The following DPP10 variants were observed in gnomAD, a reference collection of about 807,000 sequenced individuals.
DPP10 encodes the protein inactive dipeptidyl peptidase 10.
A neutral mutation model predicts 120.9 loss-of-function variants in DPP10; 33 were observed. The ratio of observed to expected loss-of-function variants is 0.27; its 90% CI spans 0.21 to 0.37. DPP10 has a LOEUF of 0.37. Among genes scored for constraint, DPP10 ranks in the 10% least tolerant of loss-of-function variants. The pLI is 1.00. For missense variants in DPP10, 816 were observed against 942.8 expected, an observed-to-expected ratio of 0.87 and a Z score of 1.76; for synonymous variants, 337 against 326.1, an observed-to-expected ratio of 1.03 and a Z score of -0.36.
At chr2:115,737,005 G>A (rs889615104) in intron 8 of DPP10, among the ~76,000 whole-genome samples, 10 of 152,112 alleles carry the variant, frequency 6.6e-5, no homozygotes, top group African/African-American at 2.2e-4. Context: ...AGTGGACAAC[G>A]AAGTATTCTG....
intron 7 of DPP10, among the ~76,000 whole-genome samples, chr2:115,712,568 A>T (rs1366293788): frequency 7.8e-6 from 1 of 128,288 alleles, no homozygotes; most frequent in Non-Finnish European, 1.7e-5. Context: ...ATATATATAA[A>T]GAAACTGTCT....
intron 3 of DPP10, among the ~76,000 whole-genome samples, chr2:115,485,405 C>A (rs554486209): frequency 6.6e-6 from 1 of 152,198 alleles, no homozygotes; most frequent in Non-Finnish European, 1.5e-5. Context: ...CATCCTATAA[C>A]TATTTCTTTG....
intron 1 of DPP10, among the ~76,000 whole-genome samples, chr2:114,650,328 C>A (rs1456309523): frequency 6.6e-6 from 1 of 152,128 alleles, no homozygotes; most frequent in Non-Finnish European, 1.5e-5. Context: ...TGTTTTGATG[C>A]CTGAAGCATC....
At chr2:115,165,914 C>T (rs1428151713) in intron 1 of DPP10, among the ~76,000 whole-genome samples, 4 of 152,136 alleles carry the variant, frequency 2.6e-5, no homozygotes, top group African/African-American at 4.8e-5. Context: ...ACTTGTTATG[C>T]ATTTTCTTTA....
intron 1 of DPP10, among the ~76,000 whole-genome samples, chr2:114,638,991 G>A (rs1398308627): frequency 1.3e-5 from 2 of 151,794 alleles, no homozygotes; most frequent in African/African-American, 4.9e-5. Flanking sequence ...GAAGCAACAT[G>A]GATGTGCTGG....
At chr2:115,424,959 A>C (rs2070321962) in intron 3 of DPP10, among the ~76,000 whole-genome samples, 1 of 152,220 alleles carries the variant, frequency 6.6e-6, no homozygotes, top group Non-Finnish European at 1.5e-5. Context: ...TGAAAGGTAA[A>C]ACATGAGCAT....
At chr2:115,671,979 T>C (rs1414579201) in intron 5 of DPP10, among the ~76,000 whole-genome samples, 1 of 152,200 alleles carries the variant, frequency 6.6e-6, no homozygotes, top group Non-Finnish European at 1.5e-5. Flanking sequence ...TATTCTGTTA[T>C]TCATAGTGTA....
chr2:115,502,413 A>C (rs987838), intron 4 of DPP10, among the ~76,000 whole-genome samples: 147,517 of 152,252 alleles, frequency 0.97, 71,638 homozygotes, highest in East Asian at 1. Flanking sequence ...AGCCTCAAAA[A>C]TGCTCTTTAT....
intron 3 of DPP10, among the ~76,000 whole-genome samples, chr2:115,420,503 C>T (rs2069843205): frequency 6.7e-6 from 1 of 149,220 alleles, no homozygotes; most frequent in Non-Finnish European, 1.5e-5. Context: ...TTGTGTCAAA[C>T]AGTTTAGTAA....
intron 1 of DPP10, among the ~76,000 whole-genome samples, chr2:115,188,955 C>A (rs1165768915): frequency 6.6e-6 from 1 of 152,116 alleles, no homozygotes; most frequent in Non-Finnish European, 1.5e-5. Flanking sequence ...AAATGCAATA[C>A]TTCACAGCTA....
intron 3 of DPP10, among the ~76,000 whole-genome samples, chr2:115,372,936 A>G (rs1214896416): frequency 6.6e-6 from 1 of 152,184 alleles, no homozygotes; most frequent in Admixed American, 6.5e-5. Context: ...ACCTTCCCTC[A>G]AGGAATTTAT....
At chr2:114,554,302 G>C (rs1484499554) in intron 1 of DPP10, among the ~76,000 whole-genome samples, 1 of 152,174 alleles carries the variant, frequency 6.6e-6, no homozygotes, top group Non-Finnish European at 1.5e-5. Context: ...CCAGCGCTTG[G>C]CTCAGGTGCA....
intron 3 of DPP10, among the ~76,000 whole-genome samples, chr2:115,432,773 T>A (rs2071125785): frequency 1.3e-5 from 2 of 151,648 alleles, no homozygotes; most frequent in Middle Eastern, 3.4e-3. Flanking sequence ...TATTATTGAT[T>A]GTCACAGATA....
chr2:115,309,022 A>G (rs2061477104), intron 1 of DPP10, among the ~76,000 whole-genome samples: 1 of 152,036 alleles, frequency 6.6e-6, no homozygotes, highest in African/African-American at 2.4e-5. Flanking sequence ...CAAGCATAAA[A>G]CGCTGCTGGT....
chr2:114,701,730 G>A (rs746175304), intron 1 of DPP10, among the ~76,000 whole-genome samples: 8 of 152,070 alleles, frequency 5.3e-5, no homozygotes, highest in African/African-American at 1.9e-4. Context: ...TGATGGGAAT[G>A]GGGGGTGGGC....
At chr2:115,154,567 A>G (rs1427382844) in intron 1 of DPP10, among the ~76,000 whole-genome samples, 1 of 152,200 alleles carries the variant, frequency 6.6e-6, no homozygotes, top group East Asian at 1.9e-4. Flanking sequence ...AAGAGAAAAT[A>G]TATTTTCCCT....
chr2:115,126,942 A>G (rs1288255134), intron 1 of DPP10, among the ~76,000 whole-genome samples: 1 of 152,236 alleles, frequency 6.6e-6, no homozygotes, highest in Non-Finnish European at 1.5e-5. Flanking sequence ...ATTCAATAGC[A>G]TATTTTTTTG....
At chr2:115,483,451 C>G (rs979622451) in intron 3 of DPP10, among the ~76,000 whole-genome samples, 1 of 79,354 alleles carries the variant, frequency 1.3e-5, no homozygotes, top group African/African-American at 4.4e-5. Flanking sequence ...ATCTATCTAT[C>G]TATCTATCTA....
intron 1 of DPP10, among the ~76,000 whole-genome samples, chr2:114,819,781 C>G (rs1476638746): frequency 6.6e-6 from 1 of 152,162 alleles, no homozygotes; most frequent in Non-Finnish European, 1.5e-5. Context: ...TCCTGGGTAT[C>G]TATTCGTTAT....
Sources: allele counts gnomAD v4.1 joint callset (sites outside exome capture counted in the v4.1 genomes callset), GRCh38; gene constraint gnomAD v4.1.1; transcripts MANE v1.5; gene names NCBI Gene and HGNC (gene_info 2026-07-23, HGNC 2026-07-21).